The following CADPS2 variants were observed in gnomAD, a reference collection of about 807,000 sequenced individuals.
CADPS2 encodes the protein calcium-dependent secretion activator 2.
In CADPS2, 93 loss-of-function variants were observed where a neutral mutation model predicts 172.5. The observed-to-expected ratio is 0.54, with a 90% CI of 0.46 to 0.64. The LOEUF (loss-of-function observed/expected upper bound fraction) is 0.64. Among genes scored for constraint, CADPS2 ranks in the 30% least tolerant of loss-of-function variants. CADPS2 has a pLI of 0.00. For synonymous variants in CADPS2, 546 were observed against 555.2 expected, an observed-to-expected ratio of 0.98 and a Z score of 0.23; for missense variants, 1,420 against 1,565.9, an observed-to-expected ratio of 0.91 and a Z score of 1.57.
chr7:122,374,740 G>C (rs1010991214), intron 25 of CADPS2, among the ~76,000 whole-genome samples: 2 of 152,122 alleles, frequency 1.3e-5, no homozygotes, highest in Non-Finnish European at 2.9e-5. Flanking sequence ...TGGGGATAGG[G>C]GAGGGCTAAC....
In CADPS2 at chr7:122,736,975, C is replaced by T. The variant is rs372630760; in HGVS notation, c.433G>A (p.Ala145Thr). The T allele has an allele frequency of 6.2e-6, 10 of 1,607,300 alleles. No homozygotes were observed. Among genetic ancestry groups the T allele is most frequent in the Non-Finnish European group, 7.7e-6 (9 of 1,174,098 alleles). The change falls in exon 2 of 30, where the codon GCA (alanine) becomes ACA (threonine). Residue 145 changes from alanine (A) to threonine (T), a missense_variant. Physicochemically the swap from Ala to Thr is moderately conservative, Grantham distance 58 (BLOSUM62 0). Coordinates refer to ENST00000449022, the MANE Select transcript of CADPS2 (RefSeq NM_017954.11). Reference protein sequence around the residue: ...QIVADEAFCNAVRSYYEVFLK... With the variant: ...QIVADEAFCNTVRSYYEVFLK... ...CTTACCTCATAATAACTCCGAACTG[C>T]GTTGCAAAATGCTTCGTCAGCTACA...
At chr7:122,508,449 G>GTTTTTTTTTTTTTTTTTTT (rs1205155217) in intron 9 of CADPS2, among the ~76,000 whole-genome samples, 10 of 68,420 alleles carry the variant, frequency 1.5e-4, no homozygotes, top group Non-Finnish European at 1.8e-4. Context: ...ATTCATTTAA[G>GTTTTTTTTTTTTTTTTTTT]TTTTTTTTTT....
intron 1 of CADPS2, among the ~76,000 whole-genome samples, chr7:122,823,777 G>C (rs1804069522): frequency 6.6e-6 from 1 of 152,090 alleles, no homozygotes; most frequent in Non-Finnish European, 1.5e-5. Flanking sequence ...CCGAAACCAA[G>C]TATCTGGAAG....
At chr7:122,415,982 A>T in intron 18 of CADPS2, 79 bp downstream of exon 18, 1 of 788,068 alleles carries the variant, frequency 1.3e-6, no homozygotes, top group Non-Finnish European at 1.9e-6. Context: ...GACTATGGGC[A>T]GGCCACTTAT....
intron 14 of CADPS2, among the ~76,000 whole-genome samples, chr7:122,460,197 T>C (rs2054283448): frequency 6.6e-6 from 1 of 152,050 alleles, no homozygotes; most frequent in Non-Finnish European, 1.5e-5. Context: ...AAATACTGCA[T>C]AAGCCACAAC....
chr7:122,842,774 ATAGC>A (rs1810919721), intron 1 of CADPS2, among the ~76,000 whole-genome samples: 3 of 152,194 alleles, frequency 2.0e-5, no homozygotes, highest in Admixed American at 2.0e-4. Flanking sequence ...GCCACAAAAT[ATAGC>A]TAGAAGGTGT....
chr7:122,474,551 AC>A, intron 12 of CADPS2, 34 bp from the exon 13 acceptor site: 1 of 1,596,174 alleles, frequency 6.3e-7, no homozygotes, highest in African/African-American at 1.3e-5. Context: ...CAGTATATTT[AC>A]TTTTCAGGCT....
chr7:122,716,767 T>C (rs2089669616), intron 2 of CADPS2, among the ~76,000 whole-genome samples: 1 of 151,492 alleles, frequency 6.6e-6, no homozygotes, highest in South Asian at 2.1e-4. Flanking sequence ...GAGGAGGGAG[T>C]AAAAGGTAGA....
intron 25 of CADPS2, among the ~76,000 whole-genome samples, chr7:122,367,534 C>T (rs987603176): frequency 8.8e-5 from 11 of 124,884 alleles, no homozygotes; most frequent in Non-Finnish European, 1.5e-4. Flanking sequence ...CTAAACCTTC[C>T]CCCAGTTTTT....
At chr7:122,797,642 G>A (rs1796669589) in intron 1 of CADPS2, among the ~76,000 whole-genome samples, 2 of 151,582 alleles carry the variant, frequency 1.3e-5, no homozygotes, top group South Asian at 4.2e-4. Context: ...GGAGCTAAAT[G>A]ATGAGAACAC....
chr7:122,451,536 A>G (rs2053113986), intron 14 of CADPS2, 61 bp from the exon 15 acceptor site: 2 of 891,306 alleles, frequency 2.2e-6, no homozygotes, highest in Admixed American at 3.1e-5. Flanking sequence ...TATATATTTT[A>G]TACATATGTA....
At chr7:122,323,959 C>G (rs2033266528) in intron 29 of CADPS2, among the ~76,000 whole-genome samples, 1 of 141,318 alleles carries the variant, frequency 7.1e-6, no homozygotes, top group African/African-American at 2.7e-5. Flanking sequence ...TTCTGAAGAA[C>G]AAACTTCATT....
At chr7:122,735,823 A>G (rs904523836) in intron 2 of CADPS2, among the ~76,000 whole-genome samples, 3 of 152,126 alleles carry the variant, frequency 2.0e-5, no homozygotes, top group Admixed American at 6.6e-5. Context: ...GCTTTTCTTT[A>G]GTTTAAGTAC....
intron 1 of CADPS2, among the ~76,000 whole-genome samples, chr7:122,777,393 AG>A (rs2093917586): frequency 6.6e-6 from 1 of 152,116 alleles, no homozygotes; most frequent in Non-Finnish European, 1.5e-5. Flanking sequence ...CAAGAGAAAA[AG>A]GCGACACCTT....
chr7:122,689,660 C>T (rs1009769947), intron 2 of CADPS2, among the ~76,000 whole-genome samples: 6 of 152,196 alleles, frequency 3.9e-5, no homozygotes, highest in Non-Finnish European at 5.9e-5. Flanking sequence ...ATATGGCCAT[C>T]CTGTGCCCTC....
At chr7:122,775,457 G>C (rs982214293) in intron 1 of CADPS2, among the ~76,000 whole-genome samples, 6 of 152,184 alleles carry the variant, frequency 3.9e-5, no homozygotes, top group Non-Finnish European at 7.4e-5. Flanking sequence ...TGTCACACCT[G>C]AGAAAACTCA....
intron 2 of CADPS2, among the ~76,000 whole-genome samples, chr7:122,709,085 C>T (rs1211423023): frequency 6.6e-6 from 1 of 152,046 alleles, no homozygotes; most frequent in Non-Finnish European, 1.5e-5. Flanking sequence ...CTTTAAATCA[C>T]CACCAGCAAT....
At chr7:122,619,053 C>T (rs1424371064) in intron 5 of CADPS2, among the ~76,000 whole-genome samples, 2 of 152,276 alleles carry the variant, frequency 1.3e-5, no homozygotes, top group South Asian at 2.1e-4. Context: ...TAACAACCTA[C>T]TGCCAACTCA....
At chr7:122,779,607 C>G (rs796877465) in intron 1 of CADPS2, among the ~76,000 whole-genome samples, 57 of 152,292 alleles carry the variant, frequency 3.7e-4, no homozygotes, top group African/African-American at 1.3e-3. Flanking sequence ...CAATACTCAT[C>G]CATAATATAG....
Sources: allele counts gnomAD v4.1 joint callset (sites outside exome capture counted in the v4.1 genomes callset), GRCh38; gene constraint gnomAD v4.1.1; transcripts MANE v1.5; gene names NCBI Gene and HGNC (gene_info 2026-07-23, HGNC 2026-07-21).